Variants in WWOX observed in about 807,000 individuals in gnomAD.
WWOX encodes the protein WW domain-containing oxidoreductase.
WWOX carries 69 observed loss-of-function variants against 46.2 expected under a neutral mutation model. The ratio of observed to expected loss-of-function variants is 1.49; its 90% CI spans 1.23 to 1.82. WWOX has a LOEUF of 1.82. WWOX is among the 40% of genes most tolerant of loss of function. The pLI, the probability that WWOX is intolerant of heterozygous loss-of-function variation, is 0.00. For missense variants in WWOX, 919 were observed against 542.6 expected (o/e 1.69, Z -6.89); for synonymous variants, 359 against 202.6 (o/e 1.77, Z -6.56).
chr16:78,369,312 G>A (rs559432524), intron 5 of WWOX, among the ~76,000 whole-genome samples: 1 of 152,052 alleles, frequency 6.6e-6, no homozygotes, highest in East Asian at 1.9e-4. Context: ...TCATACTCAG[G>A]GGTATCTTTT....
At chr16:78,282,256 C>G (rs751978877) in intron 5 of WWOX, among the ~76,000 whole-genome samples, 1 of 152,176 alleles carries the variant, frequency 6.6e-6, no homozygotes, top group East Asian at 1.9e-4. Flanking sequence ...ACACACAAAT[C>G]TATAGCTTCT....
At chr16:78,856,634 C>T (rs563133949) in intron 8 of WWOX, among the ~76,000 whole-genome samples, 1 of 152,012 alleles carries the variant, frequency 6.6e-6, no homozygotes, top group African/African-American at 2.4e-5. Context: ...CAGAGCAAGA[C>T]TCTGTCTCAG....
intron 8 of WWOX, among the ~76,000 whole-genome samples, chr16:78,988,777 G>A (rs866943126): frequency 8.5e-5 from 13 of 152,348 alleles, no homozygotes; most frequent in Admixed American, 3.3e-4. Flanking sequence ...ACCGGTGGCT[G>A]TAGTCTGTGC....
At chr16:78,129,782 G>A (rs2033514762) in intron 4 of WWOX, among the ~76,000 whole-genome samples, 1 of 151,788 alleles carries the variant, frequency 6.6e-6, no homozygotes, top group Non-Finnish European at 1.5e-5. Flanking sequence ...ATTTATGACA[G>A]TTTTGAAAAA....
At chr16:78,547,127 GAAAAAAAA>G (rs199726097) in intron 8 of WWOX, among the ~76,000 whole-genome samples, 16 of 87,518 alleles carry the variant, frequency 1.8e-4, no homozygotes, top group African/African-American at 9.6e-4. Context: ...CCTTGTCTCA[GAAAAAAAA>G]AAAAAAAAAA....
At chr16:78,743,430 C>T (rs1470053622) in intron 8 of WWOX, among the ~76,000 whole-genome samples, 10 of 152,064 alleles carry the variant, frequency 6.6e-5, no homozygotes, top group Non-Finnish European at 8.8e-5. Context: ...GATGAGGATT[C>T]GGTGTCTACC....
chr16:78,597,255 C>T (rs1456998413), intron 8 of WWOX, among the ~76,000 whole-genome samples: 1 of 152,138 alleles, frequency 6.6e-6, no homozygotes, highest in Non-Finnish European at 1.5e-5. Context: ...CTTTTTCATT[C>T]CTTCATATAT....
chr16:78,229,057 A>G (rs916525077), intron 5 of WWOX, among the ~76,000 whole-genome samples: 2 of 152,176 alleles, frequency 1.3e-5, no homozygotes, highest in African/African-American at 4.8e-5. Context: ...ATTTGACCTC[A>G]TAATACCAGC....
chr16:79,127,739 C>T (rs185546384), intron 8 of WWOX, among the ~76,000 whole-genome samples: 22 of 151,960 alleles, frequency 1.4e-4, no homozygotes, highest in African/African-American at 5.1e-4. Flanking sequence ...AAGCAACATA[C>T]GACAGTTAGG....
chr16:78,442,289 G>A (rs916497205), intron 8 of WWOX, among the ~76,000 whole-genome samples: 11 of 152,090 alleles, frequency 7.2e-5, no homozygotes, highest in Non-Finnish European at 1.5e-4. Flanking sequence ...AACATTGAAA[G>A]TCTAGTCTCA....
chr16:78,635,959 G>T (rs957462418), intron 8 of WWOX, among the ~76,000 whole-genome samples: 3 of 152,170 alleles, frequency 2.0e-5, no homozygotes, highest in Non-Finnish European at 2.9e-5. Context: ...TACAGAGGAA[G>T]CCTTGGCCTA....
At chr16:78,389,321 C>T (rs2082128665) in intron 6 of WWOX, among the ~76,000 whole-genome samples, 1 of 152,212 alleles carries the variant, frequency 6.6e-6, no homozygotes, top group South Asian at 2.1e-4. Flanking sequence ...ATTTCAGGAG[C>T]ACCTCTAAAG....
At chr16:78,767,192 C>G (rs1567546126) in intron 8 of WWOX, among the ~76,000 whole-genome samples, 2 of 151,854 alleles carry the variant, frequency 1.3e-5, no homozygotes, top group Admixed American at 6.6e-5. Context: ...ACAATCAAAG[C>G]TCACTGCAGC....
At chr16:79,074,286 T>C (rs984837365) in intron 8 of WWOX, among the ~76,000 whole-genome samples, 2 of 152,048 alleles carry the variant, frequency 1.3e-5, no homozygotes, top group Non-Finnish European at 2.9e-5. Flanking sequence ...CCTGGGTTTC[T>C]AATGATGGTT....
At chr16:78,728,095 C>T (rs1397153712) in intron 8 of WWOX, among the ~76,000 whole-genome samples, 7 of 112,556 alleles carry the variant, frequency 6.2e-5, no homozygotes, top group Non-Finnish European at 1.2e-4. Flanking sequence ...GAAAGGGTCT[C>T]ACTGTGTCAC....
chr16:78,415,079 AAT>A (rs935598132), intron 6 of WWOX, among the ~76,000 whole-genome samples: 2 of 143,832 alleles, frequency 1.4e-5, no homozygotes, highest in Non-Finnish European at 3.1e-5. Flanking sequence ...ATTTTAATAT[AAT>A]ATATATAATT....
chr16:78,722,859 A>G (rs1011955058), intron 8 of WWOX, among the ~76,000 whole-genome samples: 1 of 151,840 alleles, frequency 6.6e-6, no homozygotes, highest in African/African-American at 2.4e-5. Context: ...TGGGCAACAT[A>G]ATGAAAACCT....
At chr16:79,077,156 C>A (rs555542954) in intron 8 of WWOX, among the ~76,000 whole-genome samples, 1 of 152,168 alleles carries the variant, frequency 6.6e-6, no homozygotes, top group Non-Finnish European at 1.5e-5. Context: ...TAGAATTAAT[C>A]GGAGCTCTAA....
chr16:78,698,449 T>A (rs2048145704), intron 8 of WWOX, among the ~76,000 whole-genome samples: 3 of 152,240 alleles, frequency 2.0e-5, no homozygotes, highest in African/African-American at 7.2e-5. Context: ...AGCTCCTTTT[T>A]AAGCTTTTAA....
Sources: allele counts gnomAD v4.1 joint callset (sites outside exome capture counted in the v4.1 genomes callset), GRCh38; gene constraint gnomAD v4.1.1; transcripts MANE v1.5; gene names NCBI Gene and HGNC (gene_info 2026-07-23, HGNC 2026-07-21).